NSUN3: variants seen among roughly 807,000 people sequenced by gnomAD.
The protein encoded by NSUN3 is NOP2/Sun RNA methyltransferase 3, also known as tRNA (cytosine(34)-C(5))-methyltransferase, mitochondrial.
A neutral mutation model predicts 36.8 loss-of-function variants in NSUN3; 24 were observed. The ratio of observed to expected loss-of-function variants is 0.65; its 90% CI spans 0.47 to 0.92. NSUN3 has a LOEUF of 0.92. NSUN3 is among the 40% of genes least tolerant of loss of function. NSUN3 has a pLI of 0.00. For synonymous variants in NSUN3, 146 were observed against 145.2 expected, an observed-to-expected ratio of 1.01 and a Z score of -0.04; for missense variants, 381 against 392.8, an observed-to-expected ratio of 0.97 and a Z score of 0.25.
intron 2 of NSUN3, among the ~76,000 whole-genome samples, chr3:94,074,078 T>C (rs1314089186): frequency 6.6e-6 from 1 of 152,216 alleles, no homozygotes; most frequent in African/African-American, 2.4e-5. Flanking sequence ...ATTTCTTGTT[T>C]TTGTCAGGTT....
chr3:94,069,209 C>T (rs2077216199), intron 2 of NSUN3, among the ~76,000 whole-genome samples: 1 of 152,168 alleles, frequency 6.6e-6, no homozygotes, highest in Non-Finnish European at 1.5e-5. Context: ...GATTTCCTAT[C>T]TGAGGTACAG....
At chr3:94,111,764 A>G (rs1373187899) in intron 5 of NSUN3, among the ~76,000 whole-genome samples, 3 of 151,160 alleles carry the variant, frequency 2.0e-5, no homozygotes, top group African/African-American at 4.9e-5. Flanking sequence ...TGATAACAGT[A>G]CCTTCTTCTG....
chr3:94,118,702 A>T (rs891865854), intron 5 of NSUN3, among the ~76,000 whole-genome samples: 18 of 152,276 alleles, frequency 1.2e-4, no homozygotes, highest in Admixed American at 1.2e-3. Flanking sequence ...TTTAAAAAAA[A>T]AAATAATAAA....
rs2077283446 is a variant in NSUN3 at position 94,084,323 on chromosome 3, T to C, written c.339T>C (p.Tyr113=). The C allele has an allele frequency of 1.2e-6, 2 of 1,614,108 alleles. No individual in the cohort carries two copies. Among genetic ancestry groups the C allele is most frequent in the Middle Eastern group, 1.6e-4 (1 of 6,062 alleles). The change falls in exon 3 of 6, where the codon TAT becomes TAC. Residue 113 remains tyrosine (Y), a synonymous_variant. Transcript: ENST00000314622. The part of the protein sequence containing the change: ...ERHQIGNLKK[Y]YLLNAASLLP... ...ACCAAATTGGAAACCTGAAAAAATA[T>C]TATCTCCTAAATGCTGCTTCTCTTC...
At chr3:94,089,116 AT>A (rs1212757671) in intron 3 of NSUN3, among the ~76,000 whole-genome samples, 1 of 152,182 alleles carries the variant, frequency 6.6e-6, no homozygotes, top group Non-Finnish European at 1.5e-5. Context: ...AATCATTGCC[AT>A]TTTGTTCTTT....
At chr3:94,087,410 A>G (rs2077296338) in intron 3 of NSUN3, among the ~76,000 whole-genome samples, 2 of 152,128 alleles carry the variant, frequency 1.3e-5, no homozygotes, top group South Asian at 4.1e-4. Flanking sequence ...ATGTTTTAGG[A>G]TGATTTAAAA....
intron 3 of NSUN3, among the ~76,000 whole-genome samples, chr3:94,092,777 A>G (rs2077320908): frequency 6.6e-6 from 1 of 151,858 alleles, no homozygotes; most frequent in East Asian, 1.9e-4. Context: ...AAAATTAGCC[A>G]GACGTGGTGA....
chr3:94,063,523 T>C (rs2077190593), intron 1 of NSUN3: 3 of 227,480 alleles, frequency 1.3e-5, no homozygotes, highest in Non-Finnish European at 2.6e-5. Flanking sequence ...CTTTTCTCCC[T>C]AAATTAACTT....
intron 5 of NSUN3, among the ~76,000 whole-genome samples, chr3:94,122,478 G>T (rs1309557754): frequency 6.6e-6 from 1 of 152,024 alleles, no homozygotes; most frequent in Non-Finnish European, 1.5e-5. Flanking sequence ...CCTATCCCAA[G>T]GATTTATGTC....
rs546907622 is a variant in NSUN3 at position 94,131,620 on chromosome 3, T to C, written c.*5130T>C. On this transcript the variant is annotated 3_prime_UTR_variant, in exon 6 of 6. Transcript: ENST00000314622. ...TCTCTGCCTTCCTTTTCTTTGCAGATGCTGAGCTGAAGAATGGAAATTTGG... is the reference window on the plus strand; with the variant it reads ...TCTCTGCCTTCCTTTTCTTTGCAGACGCTGAGCTGAAGAATGGAAATTTGG... Among the ~76,000 whole-genome samples, 44 of 152,332 alleles carry C rather than the reference T, an allele frequency of 2.9e-4. No homozygotes were observed. The highest frequency in any genetic ancestry group is 1.0e-3 in the African/African-American group (43 of 41,588).
chr3:94,103,915 C>T (rs952623465), intron 5 of NSUN3, among the ~76,000 whole-genome samples: 1 of 146,446 alleles, frequency 6.8e-6, no homozygotes, highest in African/African-American at 2.7e-5. Context: ...GGGGGATACT[C>T]CTAAGGAAAG....
chr3:94,103,249 G>T (rs1007394423), intron 5 of NSUN3, among the ~76,000 whole-genome samples: 1 of 152,020 alleles, frequency 6.6e-6, no homozygotes, highest in Non-Finnish European at 1.5e-5. Context: ...ATATGGAAAT[G>T]ATTCTTGTTC....
chr3:94,118,363 T>C (rs2077448633), intron 5 of NSUN3, among the ~76,000 whole-genome samples: 1 of 152,234 alleles, frequency 6.6e-6, no homozygotes, highest in Non-Finnish European at 1.5e-5. Context: ...GTACTTAATC[T>C]GATCAAATAA....
intron 2 of NSUN3, among the ~76,000 whole-genome samples, chr3:94,065,010 G>A (rs377101494): frequency 1.3e-5 from 2 of 152,034 alleles, no homozygotes; most frequent in African/African-American, 4.8e-5. Context: ...TTTTGAACAC[G>A]TGCATATACA....
chr3:94,095,952 G>T (rs1396428641), intron 5 of NSUN3, among the ~76,000 whole-genome samples: 2 of 148,042 alleles, frequency 1.4e-5, no homozygotes, highest in East Asian at 3.9e-4. Context: ...GTAGAGATAG[G>T]ATTTCACTGT....
chr3:94,130,194 T>C lies in NSUN3; in HGVS notation c.*3704T>C, dbSNP rs1240418287. Among the ~76,000 whole-genome samples the C allele has an allele frequency of 2.6e-5, 4 of 152,162 alleles. No individual in the cohort carries two copies. Among genetic ancestry groups the C allele is most frequent in the African/African-American group, 4.8e-5 (2 of 41,424 alleles). ...GTAAGTAAAGGGTTCAGCCAATGTA[T>C]AGACAGACTGTATAGATATATGAAG... On this transcript the variant is annotated 3_prime_UTR_variant, in exon 6 of 6. Coordinates refer to ENST00000314622, the MANE Select transcript of NSUN3 (RefSeq NM_022072.5).
chr3:94,120,369 C>T (rs2077456249), intron 5 of NSUN3, among the ~76,000 whole-genome samples: 1 of 152,172 alleles, frequency 6.6e-6, no homozygotes, highest in East Asian at 1.9e-4. Context: ...ATCTCCAGAA[C>T]TCTTTTCATC....
intron 3 of NSUN3, among the ~76,000 whole-genome samples, chr3:94,086,446 G>T (rs957797714): frequency 6.6e-6 from 1 of 152,210 alleles, no homozygotes; most frequent in Non-Finnish European, 1.5e-5. Flanking sequence ...TCTGAAAATG[G>T]ATTCTTTTGA....
chr3:94,069,477 TTAAA>T (rs2107235249), intron 2 of NSUN3, among the ~76,000 whole-genome samples: 1 of 152,346 alleles, frequency 6.6e-6, no homozygotes, highest in African/African-American at 2.4e-5. Context: ...CTATGGAAAT[TTAAA>T]TAGGTTCTGT....
Sources: allele counts gnomAD v4.1 joint callset (sites outside exome capture counted in the v4.1 genomes callset), GRCh38; gene constraint gnomAD v4.1.1; transcripts MANE v1.5; gene names NCBI Gene and HGNC (gene_info 2026-07-23, HGNC 2026-07-21).